KIAA1217: variants seen among roughly 807,000 people sequenced by gnomAD.
KIAA1217 encodes the protein KIAA1217, also known as sickle tail protein homolog.
KIAA1217 carries 88 observed loss-of-function variants against 163.9 expected under a neutral mutation model. The observed-to-expected ratio is 0.54, with a 90% CI of 0.45 to 0.64. The LOEUF (loss-of-function observed/expected upper bound fraction) is 0.64, where lower values mean the gene tolerates loss of function less well. Among genes scored for constraint, KIAA1217 ranks in the 30% least tolerant of loss-of-function variants. The pLI, the probability that KIAA1217 is intolerant of heterozygous loss-of-function variation, is 0.00. For synonymous variants in KIAA1217, 903 were observed against 923.1 expected (o/e 0.98, Z 0.39); for missense variants, 2,372 against 2,475.0 (o/e 0.96, Z 0.88).
At chr10:23,982,946 G>A (rs947835455) in intron 1 of KIAA1217, among the ~76,000 whole-genome samples, 3 of 151,986 alleles carry the variant, frequency 2.0e-5, no homozygotes, top group Non-Finnish European at 2.9e-5. Context: ...TGGGTCTGTG[G>A]GTTGACCATG....
chr10:24,211,724 G>A (rs12259084), intron 1 of KIAA1217, among the ~76,000 whole-genome samples: 87,868 of 151,296 alleles, frequency 0.58, 25,806 homozygotes, highest in African/African-American at 0.67. Flanking sequence ...GAAGGGCAGG[G>A]AGGCCTTTAG....
intron 16 of KIAA1217, among the ~76,000 whole-genome samples, chr10:24,535,555 G>A (rs570660160): frequency 2.6e-4 from 39 of 152,282 alleles, no homozygotes; most frequent in Admixed American, 2.3e-3. Flanking sequence ...TGGGCAGATT[G>A]CTTGAGGTCA....
intron 1 of KIAA1217, among the ~76,000 whole-genome samples, chr10:23,906,374 T>C (rs151314326): frequency 3.4e-4 from 52 of 152,182 alleles, no homozygotes; most frequent in African/African-American, 1.3e-3. Context: ...CACTACTTTC[T>C]TGGAATATCC....
In KIAA1217 at chr10:24,484,330, C is replaced by T. The variant is rs576024249; in HGVS notation, c.1680-10170C>T. Among the ~76,000 whole-genome samples the T allele has an allele frequency of 2.1e-3, 304 of 145,860 alleles. 1 individual carries two copies. Among genetic ancestry groups the T allele is most frequent in the Non-Finnish European group, 3.2e-3 (212 of 66,776 alleles). On this transcript the variant is annotated intron_variant, in intron 6 of 20. Coordinates refer to ENST00000376454, the MANE Select transcript of KIAA1217 (RefSeq NM_019590.5). ...CATGATCTCGGCTCACTGCAACCTC[C>T]GCCTCCCGGGTTCAAACAATTCTCC... is the stretch of plus-strand genomic sequence containing the variant.
At chr10:24,098,519 G>A (rs1343050195) in intron 2 of KIAA1217, among the ~76,000 whole-genome samples, 2 of 152,102 alleles carry the variant, frequency 1.3e-5, no homozygotes, top group African/African-American at 4.8e-5. Flanking sequence ...AGAGACCAAA[G>A]GCCAAAAGCT....
intron 1 of KIAA1217, among the ~76,000 whole-genome samples, chr10:23,745,932 C>T (rs1839387654): frequency 6.6e-6 from 1 of 152,208 alleles, no homozygotes. Flanking sequence ...ATGGTTCAGA[C>T]TTTCCTGATA....
rs373774444 is a variant in KIAA1217, at chr10:23,969,776, T to C, written c.-320-37449T>C. On this transcript the variant is annotated intron_variant, in intron 1 of 18. Transcript: ENST00000376462. ...AAAATCACTTGCAGCACAAAAGTTG[T>C]TAATTTCTGTTGAAGTTCAATTGTA... 5.3e-5 allele frequency among the ~76,000 whole-genome samples: 8 copies of C among 152,372 alleles called. No individual in the cohort carries two copies. In the South Asian group the frequency reaches 1.7e-3, roughly 32 times the overall value.
intron 2 of KIAA1217, among the ~76,000 whole-genome samples, chr10:24,202,878 G>A (rs1471819352): frequency 6.6e-6 from 1 of 152,164 alleles, no homozygotes; most frequent in African/African-American, 2.4e-5. Context: ...ATAGTTGAAA[G>A]AAGAGGAATT....
At chr10:24,526,445 A>G (rs1412821831) in intron 13 of KIAA1217, among the ~76,000 whole-genome samples, 1 of 152,158 alleles carries the variant, frequency 6.6e-6, no homozygotes, top group Non-Finnish European at 1.5e-5. Context: ...TCCGTCACTT[A>G]AGACGTCTTG....
At chr10:24,060,547 T>C (rs945528242) in intron 2 of KIAA1217, among the ~76,000 whole-genome samples, 2 of 152,218 alleles carry the variant, frequency 1.3e-5, no homozygotes, top group Non-Finnish European at 2.9e-5. Flanking sequence ...GCAGTCCTAC[T>C]GCTTTAGGAG....
At chr10:24,305,261 G>A (rs1401017753) in intron 2 of KIAA1217, among the ~76,000 whole-genome samples, 2 of 152,210 alleles carry the variant, frequency 1.3e-5, no homozygotes, top group African/African-American at 4.8e-5. Context: ...GAGACAAGGA[G>A]TTAGAGTAAG....
chr10:23,868,196 T>C (rs996502664), intron 1 of KIAA1217, among the ~76,000 whole-genome samples: 10 of 152,220 alleles, frequency 6.6e-5, no homozygotes, highest in South Asian at 6.2e-4. Flanking sequence ...TGTCTTTGTG[T>C]TGCTTTTTAC....
chr10:24,423,675 G>T (rs922145290), intron 3 of KIAA1217, among the ~76,000 whole-genome samples: 1 of 152,116 alleles, frequency 6.6e-6, no homozygotes, highest in Admixed American at 6.6e-5. Flanking sequence ...GGCCAGGATG[G>T]TCTCAATCTC....
In KIAA1217 at chr10:23,887,224, A is replaced by G. The variant is rs1046136527; in HGVS notation, c.-320-120001A>G. Among the ~76,000 whole-genome samples the G allele has an allele frequency of 7.9e-5, 12 of 152,068 alleles. 1 individual carries two copies. The highest frequency in any genetic ancestry group is 2.9e-4 in the African/African-American group (12 of 41,554). On this transcript the variant is annotated intron_variant, in intron 1 of 18. Coordinates refer to the KIAA1217 transcript ENST00000376462. ...ATGATCATATCCAATAATGTGTGCCAGAGTCTTTTTTTAAAATTTAAAGCA... is the reference window on the plus strand; with the variant it reads ...ATGATCATATCCAATAATGTGTGCCGGAGTCTTTTTTTAAAATTTAAAGCA...
At chr10:23,825,239 A>G (rs1033828525) in intron 1 of KIAA1217, among the ~76,000 whole-genome samples, 1 of 152,236 alleles carries the variant, frequency 6.6e-6, no homozygotes, top group Non-Finnish European at 1.5e-5. Context: ...TGCATAACAC[A>G]TAGTTTAAAG....
chr10:24,318,558 CTCTT>C (rs1207653138), intron 2 of KIAA1217, among the ~76,000 whole-genome samples: 2 of 152,266 alleles, frequency 1.3e-5, no homozygotes, highest in East Asian at 1.9e-4. Context: ...ATCACTCTCT[CTCTT>C]TCTGGTTTTC....
Position 24,543,605 on chromosome 10 carries a change from C to T in KIAA1217, c.4335C>T (p.Ile1445=), listed in dbSNP as rs1201982026. The T allele has an allele frequency of 6.2e-7, 1 of 1,614,088 alleles. No individual in the cohort carries two copies. The highest frequency in any genetic ancestry group is 1.3e-5 in the African/African-American group (1 of 75,010). ...VVCLDKKPVI[I]IFDEPMDIRS... ...GCCTGGACAAGAAACCAGTGATCATCATTTTCGATGAGCCCATGGACATCC... is the reference window on the plus strand; with the variant it reads ...GCCTGGACAAGAAACCAGTGATCATTATTTTCGATGAGCCCATGGACATCC... Residue 1445 remains isoleucine, a synonymous_variant, in exon 19 of 21, where the codon ATC becomes ATT. Coordinates refer to ENST00000376454, the MANE Select transcript of KIAA1217 (RefSeq NM_019590.5).
Position 24,501,561 on chromosome 10 carries a change from G to T in KIAA1217, c.2001+16G>T, listed in dbSNP as rs371264885. On this transcript the variant is annotated intron_variant, in intron 9 of 20. Transcript: ENST00000376454. ...GCAGCTCCAGGTATTCCTCATGCAC[G>T]GCGGCCTCTGTCTCGGTTGCCCTGA... 6.2e-7 allele frequency: 1 copy of T among 1,607,228 alleles called. No homozygotes were observed. Among genetic ancestry groups the T allele is most frequent in the Non-Finnish European group, 8.5e-7 (1 of 1,177,088 alleles).
At chr10:23,906,343 G>A (rs896254641) in intron 1 of KIAA1217, among the ~76,000 whole-genome samples, 1 of 151,806 alleles carries the variant, frequency 6.6e-6, no homozygotes. Context: ...ATAATCTCAT[G>A]TTCCTAATCT....
Sources: gnomAD v4.1 joint callset for allele counts (sites outside exome capture counted in the v4.1 genomes callset) on GRCh38, gnomAD v4.1.1 for gene constraint, MANE v1.5 for transcripts, NCBI Gene and HGNC (gene_info 2026-07-23, HGNC 2026-07-21) for gene names.